The following APBA1 variants were observed in gnomAD, a reference collection of about 807,000 sequenced individuals.
The protein encoded by APBA1 is amyloid beta precursor protein binding family A member 1.
Under a neutral mutation model 86.6 loss-of-function variants are expected in APBA1, and 55 were observed. That is an observed-to-expected ratio of 0.64 (90% CI 0.51 to 0.80). The LOEUF (loss-of-function observed/expected upper bound fraction) is 0.80, where lower values mean the gene tolerates loss of function less well. Ranked by LOEUF, APBA1 falls within the 30% of genes least tolerant of loss-of-function variation. APBA1 has a pLI of 0.00. For missense variants in APBA1, 1,090 were observed against 1,183.0 expected, an observed-to-expected ratio of 0.92 and a Z score of 1.15; for synonymous variants, 511 against 493.9, an observed-to-expected ratio of 1.03 and a Z score of -0.46.
chr9:69,464,959 G>GA (rs1181358893), intron 5 of APBA1: 1 of 152,168 alleles, frequency 6.6e-6, no homozygotes, highest in African/African-American at 2.4e-5. Context: ...ATAGAACCTA[G>GA]AAAAAACTAA....
chr9:69,435,796 T>C (rs887369849), intron 11 of APBA1, among the ~76,000 whole-genome samples: 1 of 152,262 alleles, frequency 6.6e-6, no homozygotes, highest in Non-Finnish European at 1.5e-5. Flanking sequence ...TTGAGTTTAA[T>C]TAGATCCCAT....
chr9:69,584,049 T>C (rs1188513660), intron 1 of APBA1, among the ~76,000 whole-genome samples: 2 of 152,232 alleles, frequency 1.3e-5, no homozygotes, highest in Non-Finnish European at 1.5e-5. Flanking sequence ...AGATTAGTAA[T>C]CTCTCCAGCT....
chr9:69,641,251 A>G (rs539341173), intron 1 of APBA1, among the ~76,000 whole-genome samples: 1 of 152,328 alleles, frequency 6.6e-6, no homozygotes, highest in Non-Finnish European at 1.5e-5. Context: ...AGAGAAATTA[A>G]GGAAGATCTA....
chr9:69,437,352 C>G (rs901708314), intron 11 of APBA1, among the ~76,000 whole-genome samples: 4 of 149,362 alleles, frequency 2.7e-5, no homozygotes, highest in African/African-American at 7.5e-5. Context: ...AGAAGGAATG[C>G]TACCAGCTCC....
intron 11 of APBA1, among the ~76,000 whole-genome samples, chr9:69,434,711 TAAAAA>T (rs61262615): frequency 7.5e-6 from 1 of 133,928 alleles, no homozygotes; most frequent in African/African-American, 2.7e-5. Flanking sequence ...CATCTCAATT[TAAAAA>T]AAAAAAAAAA....
At chr9:69,648,857 T>C (rs1310299663) in intron 1 of APBA1, among the ~76,000 whole-genome samples, 1 of 152,138 alleles carries the variant, frequency 6.6e-6, no homozygotes, top group African/African-American at 2.4e-5. Context: ...CCCACCTCCA[T>C]TCCTCCCTGC....
chr9:69,504,053 T>C (rs934042422), intron 2 of APBA1, among the ~76,000 whole-genome samples: 5 of 152,140 alleles, frequency 3.3e-5, no homozygotes, highest in African/African-American at 9.7e-5. Flanking sequence ...GAACTGAAGA[T>C]AGACTGGCTG....
In APBA1 at chr9:69,445,886, C is replaced by T. The variant is rs547617121; in HGVS notation, c.2181+3698G>A. Among the ~76,000 whole-genome samples the T allele has an allele frequency of 1.1e-3, 175 of 152,266 alleles. 2 individuals are homozygous for T. Among genetic ancestry groups the T allele is most frequent in the African/African-American group, 3.9e-3 (162 of 41,556 alleles). On this transcript the variant is annotated intron_variant, in intron 10 of 12. Coordinates refer to ENST00000265381, the MANE Select transcript of APBA1 (RefSeq NM_001163.4). The stretch of plus-strand genomic sequence containing the variant: ...GCCTGCAGACTGGTGATGCCATCCC[C>T]GCCGCAAAGCCTGCCAAAAATGCAG...
chr9:69,447,483 C>G (rs892156305), intron 10 of APBA1, among the ~76,000 whole-genome samples: 1 of 152,206 alleles, frequency 6.6e-6, no homozygotes, highest in African/African-American at 2.4e-5. Context: ...GGATGTTTGA[C>G]AGTATCCCTG....
At chr9:69,544,807 T>C (rs1836671096) in intron 1 of APBA1, among the ~76,000 whole-genome samples, 1 of 152,232 alleles carries the variant, frequency 6.6e-6, no homozygotes. Flanking sequence ...TCTAGGTAGA[T>C]GGTTTCAAGG....
intron 1 of APBA1, among the ~76,000 whole-genome samples, chr9:69,523,503 A>ATGTG (rs1434360336): frequency 2.7e-5 from 1 of 36,918 alleles, no homozygotes; most frequent in Admixed American, 4.1e-4. Flanking sequence ...ATATGTATAT[A>ATGTG]TATATATATA....
Position 69,614,127 on chromosome 9 carries a change from T to C in APBA1, c.-70+58026A>G, listed in dbSNP as rs114996764. On this transcript the variant is annotated intron_variant, in intron 1 of 12. Transcript: ENST00000265381. Reference sequence around the variant, plus strand: ...AACTTTCTGTATAGCTTTTGAAGTTTTTGATTATCACTGTAGTTAAACGAA... The same window carrying C: ...AACTTTCTGTATAGCTTTTGAAGTTCTTGATTATCACTGTAGTTAAACGAA... Among the ~76,000 whole-genome samples the C allele has an allele frequency of 6.1e-3, 931 of 152,298 alleles. 9 individuals are homozygous for C. The highest frequency in any genetic ancestry group is 0.021 in the African/African-American group (881 of 41,544).
chr9:69,565,474 G>T (rs1200336075), intron 1 of APBA1, among the ~76,000 whole-genome samples: 1 of 152,094 alleles, frequency 6.6e-6, no homozygotes, highest in East Asian at 1.9e-4. Flanking sequence ...CTGTGTCCCT[G>T]CATCACACCT....
chr9:69,432,969 G>T (rs1288440442), intron 11 of APBA1, among the ~76,000 whole-genome samples: 1 of 152,162 alleles, frequency 6.6e-6, no homozygotes, highest in African/African-American at 2.4e-5. Context: ...GGGCCATTTG[G>T]GTCTGTCGCA....
intron 1 of APBA1, among the ~76,000 whole-genome samples, chr9:69,593,672 T>G (rs150959101): frequency 6.6e-6 from 1 of 152,374 alleles, no homozygotes; most frequent in African/African-American, 2.4e-5. Context: ...AACAAAGCTT[T>G]GACCATTTGC....
At chr9:69,522,352 T>G (rs1163671759) in intron 1 of APBA1, among the ~76,000 whole-genome samples, 2 of 143,796 alleles carry the variant, frequency 1.4e-5, no homozygotes, top group Non-Finnish European at 3.0e-5. Context: ...GACATTGGCA[T>G]GATCAGCCTT....
chr9:69,477,114 G>A lies in APBA1; in HGVS notation c.1201-971C>T, dbSNP rs574083964. 2.4e-3 allele frequency among the ~76,000 whole-genome samples: 362 copies of A among 152,276 alleles called. 1 individual carries two copies. The highest frequency in any genetic ancestry group is 4.2e-3 in the Non-Finnish European group (289 of 68,024). On this transcript the variant is annotated intron_variant, in intron 2 of 12. Coordinates refer to ENST00000265381, the MANE Select transcript of APBA1 (RefSeq NM_001163.4). Reference sequence around the variant, plus strand: ...TAAGAATTCCACAGCAGGGGGCGGCGGAGCCAAGATGGCCGAATAGGAACA... The same window carrying A: ...TAAGAATTCCACAGCAGGGGGCGGCAGAGCCAAGATGGCCGAATAGGAACA...
chr9:69,440,590 G>A (rs957622730), intron 11 of APBA1, among the ~76,000 whole-genome samples: 2 of 152,192 alleles, frequency 1.3e-5, no homozygotes, highest in African/African-American at 4.8e-5. Context: ...GCCAGGTGTG[G>A]GGTATAATCT....
intron 1 of APBA1, among the ~76,000 whole-genome samples, chr9:69,546,568 C>T (rs535125256): frequency 6.6e-6 from 1 of 152,304 alleles, no homozygotes; most frequent in East Asian, 1.9e-4. Context: ...TGACCAATTC[C>T]TCCTTAACTA....
Sources: allele counts gnomAD v4.1 joint callset (sites outside exome capture counted in the v4.1 genomes callset), GRCh38; gene constraint gnomAD v4.1.1; transcripts MANE v1.5; gene names NCBI Gene and HGNC (gene_info 2026-07-23, HGNC 2026-07-21).